The following HFM1 variants were observed in gnomAD, a reference collection of about 807,000 sequenced individuals.
The protein encoded by HFM1 is helicase for meiosis 1.
Under a neutral mutation model 192.1 loss-of-function variants are expected in HFM1, and 169 were observed. The observed-to-expected ratio is 0.88, with a 90% CI of 0.78 to 1.00. HFM1 has a LOEUF of 1.00. Ranked by LOEUF, HFM1 falls within the 50% of genes least tolerant of loss-of-function variation. The probability of loss-of-function intolerance (pLI) is 0.00; values close to 1 mark genes in which losing one functional copy is unlikely to be tolerated. For synonymous variants in HFM1, 525 were observed against 537.8 expected (o/e 0.98, Z 0.33); for missense variants, 1,661 against 1,668.0 (o/e 1.00, Z 0.07).
chr1:91,379,358 A>G (rs1661279969), intron 8 of HFM1, 144 bp from the exon 9 acceptor site: 5 of 645,806 alleles, frequency 7.7e-6, no homozygotes, highest in Non-Finnish European at 1.3e-5. Context: ...ATATAGGCAC[A>G]TTATTTACAG....
At chr1:91,368,676 A>G (rs937178882) in intron 13 of HFM1, among the ~76,000 whole-genome samples, 1 of 152,232 alleles carries the variant, frequency 6.6e-6, no homozygotes, top group East Asian at 1.9e-4. Flanking sequence ...AAGGCTAGGA[A>G]GAAACTGCAT....
intron 25 of HFM1, 82 bp downstream of exon 25, chr1:91,318,996 C>A (rs1651666689): frequency 7.5e-7 from 1 of 1,331,304 alleles, no homozygotes; most frequent in Non-Finnish European, 1.0e-6. Context: ...GGTCTGTAAT[C>A]ATCACAGAAT....
chr1:91,318,948 G>A, intron 25 of HFM1, 130 bp downstream of exon 25: 1 of 827,490 alleles, frequency 1.2e-6, no homozygotes, highest in Non-Finnish European at 1.8e-6. Flanking sequence ...CGAAAGTACA[G>A]CACTTATTTA....
intron 6 of HFM1, among the ~76,000 whole-genome samples, chr1:91,384,443 A>AAT (rs1661928292): frequency 2.0e-5 from 3 of 152,292 alleles, no homozygotes; most frequent in African/African-American, 7.2e-5. Flanking sequence ...CAGACATGAA[A>AAT]ATTGGATTCT....
chr1:91,380,029 G>T, intron 8 of HFM1, 75 bp downstream of exon 8: 1 of 675,386 alleles, frequency 1.5e-6, no homozygotes, highest in South Asian at 5.1e-5. Context: ...GCCAGAAACT[G>T]AATTTATTTC....
intron 6 of HFM1, among the ~76,000 whole-genome samples, chr1:91,383,503 TC>T (rs1661800865): frequency 6.6e-6 from 1 of 152,162 alleles, no homozygotes; most frequent in Non-Finnish European, 1.5e-5. Context: ...TTTAATCAAA[TC>T]AGCCATCTGC....
intron 9 of HFM1, 84 bp downstream of exon 9, chr1:91,378,979 A>G (rs2101996609): frequency 2.6e-6 from 2 of 767,596 alleles, no homozygotes; most frequent in East Asian, 6.3e-5. Context: ...TCTAGTTTAT[A>G]TTTTTTAAAC....
At chr1:91,391,078 ACCACTGC>A (rs1662924810) in intron 4 of HFM1, among the ~76,000 whole-genome samples, 1 of 152,208 alleles carries the variant, frequency 6.6e-6, no homozygotes, top group Non-Finnish European at 1.5e-5. Context: ...AGAACTACAA[ACCACTGC>A]TCAATGAAAT....
At chr1:91,296,813 G>A (rs1647661538) in intron 30 of HFM1, among the ~76,000 whole-genome samples, 1 of 152,114 alleles carries the variant, frequency 6.6e-6, no homozygotes, top group South Asian at 2.1e-4. Context: ...TTGAGGGGAG[G>A]AGCCAAGATG....
intron 30 of HFM1, among the ~76,000 whole-genome samples, chr1:91,307,050 A>G (rs1459822602): frequency 2.0e-5 from 3 of 152,162 alleles, no homozygotes; most frequent in South Asian, 2.1e-4. Flanking sequence ...CCTCTTCTTC[A>G]TTCTTGATAT....
At chr1:91,386,870 A>G (rs1395177286) in intron 4 of HFM1, among the ~76,000 whole-genome samples, 1 of 152,214 alleles carries the variant, frequency 6.6e-6, no homozygotes, top group East Asian at 1.9e-4. Context: ...CAATCAAATC[A>G]GCATTGTGTA....
At chr1:91,340,498 A>C (rs1413547353) in intron 20 of HFM1, among the ~76,000 whole-genome samples, 1 of 152,214 alleles carries the variant, frequency 6.6e-6, no homozygotes, top group African/African-American at 2.4e-5. Context: ...TGGCCACCAC[A>C]AAGACACACT....
chr1:91,384,104 C>T (rs891809764), intron 6 of HFM1, among the ~76,000 whole-genome samples: 3 of 152,102 alleles, frequency 2.0e-5, no homozygotes, highest in Non-Finnish European at 4.4e-5. Flanking sequence ...TCACTTTAGC[C>T]AAACTGGAAA....
chr1:91,350,507 G>C (rs902219331), intron 18 of HFM1, among the ~76,000 whole-genome samples: 21 of 151,898 alleles, frequency 1.4e-4, no homozygotes, highest in Admixed American at 1.2e-3. Flanking sequence ...TTTTCTACTA[G>C]ATCTATTTTT....
chr1:91,267,231 T>C (rs1665852289), intron 35 of HFM1, among the ~76,000 whole-genome samples: 1 of 152,202 alleles, frequency 6.6e-6, no homozygotes, highest in African/African-American at 2.4e-5. Flanking sequence ...ATAGAATTTC[T>C]AGTACAGGAG....
At chr1:91,382,143 T>C (rs1661623489) in intron 6 of HFM1, among the ~76,000 whole-genome samples, 1 of 152,146 alleles carries the variant, frequency 6.6e-6, no homozygotes, top group South Asian at 2.1e-4. Context: ...GCCTAGACTG[T>C]TATTCCTTCC....
chr1:91,350,739 A>G lies in HFM1; in HGVS notation c.2205T>C (p.Tyr735=). 1 of 1,611,094 alleles carries G rather than the reference A, an allele frequency of 6.2e-7. No homozygotes were observed. Among genetic ancestry groups the G allele is most frequent in the Non-Finnish European group, 8.5e-7 (1 of 1,178,826 alleles). ...CTTTTCCAAGTCAAAGTAACAAACC[A>G]TAATGAGATGGATTTTTCAAGGCTC... ...YIRALKNPSH[Y]GFASGLNKDG... Residue 735 remains tyrosine (Y), a splice_region_variant and synonymous_variant, in exon 18 of 39, where the codon TAT becomes TAC. Coordinates refer to ENST00000370425, the MANE Select transcript of HFM1 (RefSeq NM_001017975.6).
chr1:91,349,927 A>G (rs550814267), intron 18 of HFM1, among the ~76,000 whole-genome samples: 1 of 152,252 alleles, frequency 6.6e-6, no homozygotes, highest in Non-Finnish European at 1.5e-5. Context: ...CAAGAATTAT[A>G]CAAAAAAGAT....
chr1:91,380,855 T>G, intron 7 of HFM1, 57 bp downstream of exon 7: 1 of 825,132 alleles, frequency 1.2e-6, no homozygotes, highest in South Asian at 1.4e-5. Flanking sequence ...TGTCCCAATC[T>G]AGTGATCATA....
Sources: allele counts gnomAD v4.1 joint callset (sites outside exome capture counted in the v4.1 genomes callset), GRCh38; gene constraint gnomAD v4.1.1; transcripts MANE v1.5; gene names NCBI Gene and HGNC (gene_info 2026-07-23, HGNC 2026-07-21).